C8orf34: variants seen among roughly 807,000 people sequenced by gnomAD.
C8orf34 encodes uncharacterized protein C8orf34.
In C8orf34, 65 loss-of-function variants were observed where a neutral mutation model predicts 68.3. The observed-to-expected ratio is 0.95, with a 90% confidence interval of 0.78 to 1.17. The LOEUF is 1.17. Ranked by LOEUF, C8orf34 falls within the 50% of genes most tolerant of loss-of-function variation. C8orf34 has a pLI of 0.00. For synonymous variants in C8orf34, 244 were observed against 241.2 expected (o/e 1.01, Z -0.11); for missense variants, 664 against 655.4 (o/e 1.01, Z -0.14).
chr8:68,713,388 G>T (rs1056672104), intron 9 of C8orf34, among the ~76,000 whole-genome samples: 3 of 151,824 alleles, frequency 2.0e-5, no homozygotes, highest in Non-Finnish European at 4.4e-5. Context: ...ACAAAAAACT[G>T]GTTTTTGAAA....
At chr8:68,400,725 T>G (rs1808914383) in intron 1 of C8orf34, among the ~76,000 whole-genome samples, 1 of 152,206 alleles carries the variant, frequency 6.6e-6, no homozygotes. Context: ...CATGCCCAGC[T>G]TATGTGTCTA....
At chr8:68,649,115 CA>C (rs1819267358) in intron 8 of C8orf34, among the ~76,000 whole-genome samples, 1 of 151,814 alleles carries the variant, frequency 6.6e-6, no homozygotes, top group South Asian at 2.1e-4. Flanking sequence ...TGGATAAGGA[CA>C]AAAAAGGATT....
At chr8:68,379,127 C>T (rs1317484326) in intron 1 of C8orf34, among the ~76,000 whole-genome samples, 1 of 152,142 alleles carries the variant, frequency 6.6e-6, no homozygotes, top group Non-Finnish European at 1.5e-5. Flanking sequence ...TATTAATAAA[C>T]TACATATATA....
At chr8:68,531,452 C>T (rs968217270) in intron 6 of C8orf34, among the ~76,000 whole-genome samples, 3 of 152,018 alleles carry the variant, frequency 2.0e-5, no homozygotes, top group African/African-American at 7.2e-5. Flanking sequence ...AAAATTTCTC[C>T]CAATCTGCGT....
intron 8 of C8orf34, among the ~76,000 whole-genome samples, chr8:68,690,979 A>T (rs961105466): frequency 6.6e-6 from 1 of 152,086 alleles, no homozygotes; most frequent in African/African-American, 2.4e-5. Context: ...AACATCTTCC[A>T]TATGGAAGTT....
intron 1 of C8orf34, among the ~76,000 whole-genome samples, chr8:68,410,697 G>T (rs1454673817): frequency 6.6e-6 from 1 of 152,108 alleles, no homozygotes; most frequent in Non-Finnish European, 1.5e-5. Context: ...CAGGAGATGT[G>T]GTGTCCAGCA....
At chr8:68,455,891 A>G (rs950400522) in intron 3 of C8orf34, among the ~76,000 whole-genome samples, 3 of 152,036 alleles carry the variant, frequency 2.0e-5, no homozygotes, top group Non-Finnish European at 2.9e-5. Context: ...AAAGACATAA[A>G]TATTTTAATA....
intron 1 of C8orf34, among the ~76,000 whole-genome samples, chr8:68,437,635 T>A (rs566109035): frequency 6.6e-6 from 1 of 152,286 alleles, no homozygotes; most frequent in Admixed American, 6.5e-5. Flanking sequence ...GCAGATGGCC[T>A]TTTTTAATTT....
intron 10 of C8orf34, among the ~76,000 whole-genome samples, chr8:68,749,157 T>A (rs1361719425): frequency 6.6e-6 from 1 of 151,508 alleles, no homozygotes; most frequent in African/African-American, 2.4e-5. Flanking sequence ...AAACACCGCA[T>A]ATTCTCACTC....
chr8:68,816,504 G>A (rs549539240), intron 13 of C8orf34, among the ~76,000 whole-genome samples: 1 of 152,088 alleles, frequency 6.6e-6, no homozygotes, highest in African/African-American at 2.4e-5. Flanking sequence ...TAGAATCACA[G>A]AATATCAAAC....
chr8:68,699,607 C>G (rs1236067130), intron 8 of C8orf34, among the ~76,000 whole-genome samples: 1 of 152,064 alleles, frequency 6.6e-6, no homozygotes, highest in Non-Finnish European at 1.5e-5. Flanking sequence ...GTGAATCAAT[C>G]CTGCTCCAGA....
chr8:68,730,047 G>A (rs1821937066), intron 10 of C8orf34, among the ~76,000 whole-genome samples: 1 of 152,090 alleles, frequency 6.6e-6, no homozygotes, highest in Admixed American at 6.6e-5. Flanking sequence ...TGAACAACTT[G>A]CAATTTTTCT....
intron 8 of C8orf34, among the ~76,000 whole-genome samples, chr8:68,680,873 G>T (rs1162969283): frequency 1.3e-5 from 2 of 152,026 alleles, no homozygotes; most frequent in South Asian, 4.2e-4. Context: ...AGGAGACCAG[G>T]GCGTATCTCA....
chr8:68,769,412 T>A (rs920717044), intron 10 of C8orf34, among the ~76,000 whole-genome samples: 4 of 151,944 alleles, frequency 2.6e-5, no homozygotes, highest in African/African-American at 9.7e-5. Context: ...TTATTTTTTT[T>A]AAAAGGCCAT....
chr8:68,614,001 A>C (rs548480881), intron 7 of C8orf34, among the ~76,000 whole-genome samples: 1 of 152,292 alleles, frequency 6.6e-6, no homozygotes, highest in African/African-American at 2.4e-5. Context: ...GTGAGATGGT[A>C]TGTCATTGAG....
At chr8:68,687,522 G>A (rs766917256) in intron 8 of C8orf34, among the ~76,000 whole-genome samples, 34 of 151,748 alleles carry the variant, frequency 2.2e-4, no homozygotes, top group Non-Finnish European at 4.0e-4. Context: ...AAAGGACACC[G>A]TATTCAAAAA....
At chr8:68,675,316 T>C (rs564156120) in intron 8 of C8orf34, among the ~76,000 whole-genome samples, 1 of 152,118 alleles carries the variant, frequency 6.6e-6, no homozygotes, top group East Asian at 1.9e-4. Context: ...ATATCTTGAG[T>C]AGAAAAACTA....
At chr8:68,488,655 T>C (rs561523809) in intron 5 of C8orf34, among the ~76,000 whole-genome samples, 9 of 152,176 alleles carry the variant, frequency 5.9e-5, no homozygotes, top group Admixed American at 6.5e-5. Flanking sequence ...ACTAGGTCAA[T>C]TGTGGTACTG....
At chr8:68,330,899 C>A, upstream of C8orf34, 1 of 910,788 alleles carries the variant, frequency 1.1e-6, no homozygotes, top group Non-Finnish European at 1.5e-6. Context: ...CTCCCGCCCC[C>A]TGATTCCTGC....
Sources: gnomAD v4.1 joint callset for allele counts (sites outside exome capture counted in the v4.1 genomes callset) on GRCh38, gnomAD v4.1.1 for gene constraint, MANE v1.5 for transcripts, NCBI Gene and HGNC (gene_info 2026-07-23, HGNC 2026-07-21) for gene names.